Variants in KIF6 observed in about 807,000 individuals in gnomAD.
The protein encoded by KIF6 is kinesin family member 6, also known as kinesin-like protein KIF6.
KIF6 carries 106 observed loss-of-function variants against 112.7 expected under a neutral mutation model. The ratio of observed to expected loss-of-function variants is 0.94; its 90% confidence interval spans 0.80 to 1.11. The LOEUF (loss-of-function observed/expected upper bound fraction) is 1.11. KIF6 is among the 50% of genes least tolerant of loss of function. KIF6 has a pLI of 0.00. For synonymous variants in KIF6, 339 were observed against 339.9 expected, an observed-to-expected ratio of 1.00 and a Z score of 0.03; for missense variants, 929 against 964.0, an observed-to-expected ratio of 0.96 and a Z score of 0.48.
intron 9 of KIF6, among the ~76,000 whole-genome samples, chr6:39,583,916 T>C (rs1781450538): frequency 6.6e-6 from 1 of 152,052 alleles, no homozygotes; most frequent in Admixed American, 6.5e-5. Context: ...TCTGCATTTA[T>C]GATGAGCTAA....
chr6:39,711,745 T>C (rs984486415), intron 3 of KIF6, among the ~76,000 whole-genome samples: 1 of 152,074 alleles, frequency 6.6e-6, no homozygotes, highest in African/African-American at 2.4e-5. Flanking sequence ...GACAAAGAAA[T>C]AGGTATAACT....
chr6:39,493,369 C>T (rs1218415350), intron 13 of KIF6, among the ~76,000 whole-genome samples: 1 of 152,200 alleles, frequency 6.6e-6, no homozygotes, highest in Non-Finnish European at 1.5e-5. Context: ...TAATTAATGA[C>T]AGAGCCAAGA....
At position 39,547,663 on chromosome 6, in the gene KIF6, TCATTTATA is replaced by T. The variant is rs529569260; in HGVS notation, c.1182-1983_1182-1976del. On this transcript the variant is annotated intron_variant, in intron 10 of 22. Coordinates refer to ENST00000287152, the MANE Select transcript of KIF6 (RefSeq NM_145027.6). Reference sequence around the variant, plus strand: ...GAAGCAGATACCTATATTTATATATTCATTTATACATTTTGGTTTGTTGTTTTTACAAA... The same window carrying T: ...GAAGCAGATACCTATATTTATATATTCATTTTGGTTTGTTGTTTTTACAAA... Among the ~76,000 whole-genome samples the T allele has an allele frequency of 4.1e-3, 625 of 152,358 alleles. 1 individual carries two copies. Among genetic ancestry groups the T allele is most frequent in the African/African-American group, 0.013 (561 of 41,584 alleles).
At chr6:39,595,986 T>C in intron 7 of KIF6, 68 bp downstream of exon 7, 1 of 1,235,666 alleles carries the variant, frequency 8.1e-7, no homozygotes, top group Non-Finnish European at 1.2e-6. Context: ...ATAGAATGCC[T>C]GATACATAGT....
chr6:39,594,417 T>G (rs1239341080), intron 7 of KIF6, among the ~76,000 whole-genome samples: 5 of 152,224 alleles, frequency 3.3e-5, no homozygotes, highest in Non-Finnish European at 7.3e-5. Flanking sequence ...CATATCAATG[T>G]TCTATAAGTG....
At chr6:39,489,363 G>C (rs959358964) in intron 13 of KIF6, among the ~76,000 whole-genome samples, 1 of 151,990 alleles carries the variant, frequency 6.6e-6, no homozygotes, top group Non-Finnish European at 1.5e-5. Context: ...GCTGGTCATC[G>C]CAATAGACTT....
At position 39,378,467 on chromosome 6, in the gene KIF6, C is replaced by T. The variant is rs1267039376; in HGVS notation, c.1861+7155G>A. On this transcript the variant is annotated intron_variant, in intron 16 of 22. Transcript: ENST00000287152. This position sits in a 1 kb window ranked among gnomAD's most constrained non-coding sequence, Gnocchi z 5.0. ...TACCACATACACACACACCACATGCCGCATATACACAGCACACACGTACAT... is the reference window on the plus strand; with the variant it reads ...TACCACATACACACACACCACATGCTGCATATACACAGCACACACGTACAT... Among the ~76,000 whole-genome samples, 2 of 152,168 alleles carry T rather than the reference C, an allele frequency of 1.3e-5. No individual in the cohort carries two copies. Among genetic ancestry groups the T allele is most frequent in the African/African-American group, 2.4e-5 (1 of 41,510 alleles).
chr6:39,657,419 T>G (rs1785865091), intron 3 of KIF6, among the ~76,000 whole-genome samples: 1 of 152,104 alleles, frequency 6.6e-6, no homozygotes, highest in Non-Finnish European at 1.5e-5. Flanking sequence ...AGTCATTGCC[T>G]GCACTCTTGG....
intron 7 of KIF6, among the ~76,000 whole-genome samples, chr6:39,587,477 G>A (rs1220590191): frequency 2.0e-5 from 3 of 152,098 alleles, no homozygotes; most frequent in Non-Finnish European, 4.4e-5. Context: ...CTAAATTCAT[G>A]ACCACAGGTG....
chr6:39,614,153 A>T (rs1582273769), intron 5 of KIF6, among the ~76,000 whole-genome samples: 1 of 152,306 alleles, frequency 6.6e-6, no homozygotes, highest in East Asian at 1.9e-4. Context: ...TAAACTCCTC[A>T]TACTCTGCTT....
intron 3 of KIF6, among the ~76,000 whole-genome samples, chr6:39,705,433 A>G (rs866014207): frequency 6.6e-6 from 1 of 152,240 alleles, no homozygotes; most frequent in African/African-American, 2.4e-5. Flanking sequence ...AACTCACTTT[A>G]TAAGAAATAA....
At chr6:39,550,116 TTA>T (rs1441622802) in intron 10 of KIF6, among the ~76,000 whole-genome samples, 3 of 152,182 alleles carry the variant, frequency 2.0e-5, no homozygotes, top group Non-Finnish European at 4.4e-5. Flanking sequence ...ATTTTTATGA[TTA>T]TGTTATGTTT....
intron 15 of KIF6, among the ~76,000 whole-genome samples, chr6:39,409,733 T>A (rs1352390158): frequency 6.6e-6 from 1 of 152,164 alleles, no homozygotes; most frequent in Non-Finnish European, 1.5e-5. Context: ...GAATGGCGGC[T>A]GCGAGGAGGG....
intron 15 of KIF6, among the ~76,000 whole-genome samples, chr6:39,405,182 C>T (rs1562181921): frequency 6.6e-6 from 1 of 152,076 alleles, no homozygotes; most frequent in East Asian, 1.9e-4. Context: ...TTTACTTCTT[C>T]CTTTCACATT....
chr6:39,530,851 A>T (rs1265549450), intron 13 of KIF6, among the ~76,000 whole-genome samples: 1 of 152,118 alleles, frequency 6.6e-6, no homozygotes, highest in African/African-American at 2.4e-5. Context: ...ATACTTATTA[A>T]TTTTTTTGTA....
chr6:39,563,738 A>C (rs2150602163), intron 10 of KIF6, among the ~76,000 whole-genome samples: 1 of 152,300 alleles, frequency 6.6e-6, no homozygotes, highest in Non-Finnish European at 1.5e-5. Flanking sequence ...TAACATGAAA[A>C]AAATTTTACA....
intron 13 of KIF6, among the ~76,000 whole-genome samples, chr6:39,457,780 G>A (rs183610093): frequency 6.6e-6 from 1 of 151,950 alleles, no homozygotes; most frequent in African/African-American, 2.4e-5. Context: ...GAAGAAATGG[G>A]TACAATCCTC....
intron 15 of KIF6, among the ~76,000 whole-genome samples, chr6:39,388,276 A>G (rs1431808711): frequency 7.0e-6 from 1 of 143,354 alleles, no homozygotes; most frequent in East Asian, 2.0e-4. Flanking sequence ...CCCAAACCCT[A>G]AGGAAGTATT....
At chr6:39,494,431 T>C (rs900622037) in intron 13 of KIF6, among the ~76,000 whole-genome samples, 15 of 152,216 alleles carry the variant, frequency 9.9e-5, no homozygotes, top group Non-Finnish European at 7.3e-5. Flanking sequence ...GAAAATACTG[T>C]ATTTTAAAGG....
Sources: allele counts gnomAD v4.1 joint callset (sites outside exome capture counted in the v4.1 genomes callset), GRCh38; gene constraint gnomAD v4.1.1; non-coding constraint Gnocchi (gnomAD v3.1); transcripts MANE v1.5; gene names NCBI Gene and HGNC (gene_info 2026-07-23, HGNC 2026-07-21).